MAST2: variants seen among roughly 807,000 people sequenced by gnomAD.
The protein encoded by MAST2 is microtubule-associated serine/threonine-protein kinase 2.
MAST2 carries 70 observed loss-of-function variants against 147.4 expected under a neutral mutation model. That is an observed-to-expected ratio of 0.47 (90% CI 0.39 to 0.58). The LOEUF (loss-of-function observed/expected upper bound fraction) is 0.58, where lower values mean the gene tolerates loss of function less well. MAST2 is among the 20% of genes least tolerant of loss of function. The pLI, the probability that MAST2 is intolerant of heterozygous loss-of-function variation, is 0.00. For synonymous variants in MAST2, 869 were observed against 896.8 expected, an observed-to-expected ratio of 0.97 and a Z score of 0.55; for missense variants, 2,080 against 2,302.3, an observed-to-expected ratio of 0.90 and a Z score of 1.98.
intron 2 of MAST2, among the ~76,000 whole-genome samples, chr1:45,826,695 A>G (rs905655550): frequency 1.3e-5 from 2 of 152,058 alleles, no homozygotes; most frequent in South Asian, 2.1e-4. Context: ...ACTATAGCTT[A>G]TACCTTTCTT....
chr1:46,032,876 A>G (rs1646734170), intron 26 of MAST2, among the ~76,000 whole-genome samples, 158 bp downstream of exon 26: 1 of 151,964 alleles, frequency 6.6e-6, no homozygotes, highest in Non-Finnish European at 1.5e-5. Context: ...ATGCCTGTAA[A>G]TCCCAACACT....
intron 7 of MAST2, among the ~76,000 whole-genome samples, chr1:46,005,539 C>T (rs1340041552): frequency 3.9e-5 from 6 of 152,134 alleles, no homozygotes; most frequent in Non-Finnish European, 5.9e-5. Flanking sequence ...CTGTGATAGC[C>T]GAGCACCCTC....
chr1:46,021,654 G>A (rs1646185101), intron 11 of MAST2, among the ~76,000 whole-genome samples: 1 of 152,228 alleles, frequency 6.6e-6, no homozygotes, highest in Non-Finnish European at 1.5e-5. Flanking sequence ...CCTGGCTGAT[G>A]GAAAGCATGG....
chr1:46,033,861 G>A lies in MAST2; in HGVS notation c.3597G>A (p.Gly1199=), dbSNP rs1646782073. Residue 1199 remains glycine (G), a synonymous_variant, in exon 27 of 29, where the codon GGG becomes GGA. Coordinates refer to ENST00000361297, the MANE Select transcript of MAST2 (RefSeq NM_015112.3). The part of the protein sequence containing the change: ...TPLENTSIKV[G]PARKGSYKAK... ...TGGAGAACACATCCATTAAAGTGGG[G>A]CCAGCTCGGAAGGGCAGCTACAAGG... 1.9e-6 allele frequency: 3 copies of A among 1,614,194 alleles called. No homozygotes were observed. The highest frequency in any genetic ancestry group is 4.5e-5 in the East Asian group (2 of 44,884).
chr1:45,846,741 C>T (rs972266518), intron 3 of MAST2, among the ~76,000 whole-genome samples: 2 of 151,860 alleles, frequency 1.3e-5, no homozygotes, highest in Admixed American at 6.6e-5. Flanking sequence ...AGGAGAATTG[C>T]TTGAACCTGG....
chr1:45,887,647 G>A (rs946121455), intron 4 of MAST2, among the ~76,000 whole-genome samples: 2 of 152,162 alleles, frequency 1.3e-5, no homozygotes, highest in Non-Finnish European at 2.9e-5. Context: ...GATGCAACTT[G>A]ATGCCTGGAT....
At chr1:46,022,135 C>G (rs1571243997) in intron 12 of MAST2, 53 bp downstream of exon 12, 5 of 1,605,802 alleles carry the variant, frequency 3.1e-6, no homozygotes, top group Non-Finnish European at 4.3e-6. Flanking sequence ...CTGGCAAGCT[C>G]TAACAGCAGG....
chr1:45,951,671 C>T lies in MAST2; in HGVS notation c.501-7715C>T, dbSNP rs867845706. 1.3e-3 allele frequency among the ~76,000 whole-genome samples: 205 copies of T among 152,158 alleles called. 3 individuals are homozygous for T. Among genetic ancestry groups the T allele is most frequent in the African/African-American group, 4.6e-3 (193 of 41,510 alleles). On this transcript the variant is annotated intron_variant, in intron 4 of 28. Coordinates refer to ENST00000361297, the MANE Select transcript of MAST2 (RefSeq NM_015112.3). ...TTTGGACAAAAAGCTAATTAGAATT[C>T]GAGGAATAAAATATATGTATTGTGT...
intron 3 of MAST2, among the ~76,000 whole-genome samples, chr1:45,854,938 T>C (rs1645740569): frequency 6.6e-6 from 1 of 152,116 alleles, no homozygotes; most frequent in African/African-American, 2.4e-5. Context: ...GAGAAGCACA[T>C]AGGATGAGGC....
chr1:45,953,144 C>T (rs1557956270), intron 4 of MAST2, among the ~76,000 whole-genome samples: 2 of 151,568 alleles, frequency 1.3e-5, no homozygotes, highest in South Asian at 2.1e-4. Context: ...ACAAGAACAC[C>T]TATTAAACCT....
rs189919314 is a variant in MAST2, at chr1:45,900,945, T to C, written c.500+18550T>C. Among the ~76,000 whole-genome samples the C allele has an allele frequency of 6.8e-4, 103 of 152,314 alleles. 2 individuals are homozygous for C. Among genetic ancestry groups the C allele is most frequent in the South Asian group, 6.0e-3 (29 of 4,824 alleles). ...TTGGCAGATATTTTCTCCCATTCTATGGGTTGTCTTTTTATTCTGTTGATT... is the reference window on the plus strand; with the variant it reads ...TTGGCAGATATTTTCTCCCATTCTACGGGTTGTCTTTTTATTCTGTTGATT... On this transcript the variant is annotated intron_variant, in intron 4 of 28. Transcript: ENST00000361297.
chr1:45,937,579 G>C (rs1174294560), intron 4 of MAST2, among the ~76,000 whole-genome samples: 1 of 151,628 alleles, frequency 6.6e-6, no homozygotes, highest in African/African-American at 2.4e-5. Context: ...GTGAAGCCCC[G>C]TCTCTACTAA....
At position 46,035,588 on chromosome 1, in the gene MAST2, C is replaced by G; in HGVS notation, c.4919C>G (p.Thr1640Ser). 6.2e-7 allele frequency: 1 copy of G among 1,613,812 alleles called. No homozygotes were observed. The highest frequency in any genetic ancestry group is 8.5e-7 in the Non-Finnish European group (1 of 1,180,020). ...LSPSTSGLTP[T>S]SSCSPPSSTS... ...CCCAGCACTTCGGGACTCACCCCCACCAGCAGTTGCTCTCCTCCCAGCTCC... is the reference window on the plus strand; with the variant it reads ...CCCAGCACTTCGGGACTCACCCCCAGCAGCAGTTGCTCTCCTCCCAGCTCC... The change falls in exon 29 of 29, where the codon ACC becomes AGC. Residue 1640 changes from threonine to serine, a missense_variant. Transcript: ENST00000361297. The surrounding 1 kb of genome is among the most constrained non-coding windows in gnomAD (Gnocchi z 5.5).
chr1:45,848,860 A>G (rs1557830625), intron 3 of MAST2, among the ~76,000 whole-genome samples: 1 of 152,190 alleles, frequency 6.6e-6, no homozygotes, highest in African/African-American at 2.4e-5. Flanking sequence ...AGCTCCTTCA[A>G]CTGATAAACA....
intron 4 of MAST2, among the ~76,000 whole-genome samples, chr1:45,901,028 G>A (rs1408460926): frequency 1.3e-5 from 2 of 151,796 alleles, no homozygotes; most frequent in East Asian, 1.9e-4. Flanking sequence ...GTCCATTTTC[G>A]TTTTGGTCAT....
chr1:45,904,973 A>C (rs1397372585), intron 4 of MAST2, among the ~76,000 whole-genome samples: 1 of 151,442 alleles, frequency 6.6e-6, no homozygotes, highest in Middle Eastern at 3.4e-3. Flanking sequence ...ATGCCTGGCT[A>C]ATTTTTTTTA....
intron 9 of MAST2, 113 bp downstream of exon 9, chr1:46,008,484 C>G (rs969012222): frequency 1.4e-6 from 1 of 697,546 alleles, no homozygotes; most frequent in Non-Finnish European, 2.5e-6. Flanking sequence ...CAGAGATAAC[C>G]AAGAAGAAGA....
chr1:45,841,602 G>C (rs1645279411), intron 3 of MAST2, among the ~76,000 whole-genome samples: 1 of 152,146 alleles, frequency 6.6e-6, no homozygotes, highest in Non-Finnish European at 1.5e-5. Flanking sequence ...GTGCGGGCTA[G>C]TCTCTGCTGG....
intron 7 of MAST2, among the ~76,000 whole-genome samples, chr1:46,004,241 G>A (rs945151198): frequency 6.6e-6 from 1 of 151,734 alleles, no homozygotes; most frequent in African/African-American, 2.4e-5. Flanking sequence ...GTGGGCGCCT[G>A]TAGTCCCAGC....
Sources: gnomAD v4.1 joint callset for allele counts (sites outside exome capture counted in the v4.1 genomes callset) on GRCh38, gnomAD v4.1.1 for gene constraint, Gnocchi (gnomAD v3.1) non-coding constraint, MANE v1.5 for transcripts, NCBI Gene and HGNC (gene_info 2026-07-23, HGNC 2026-07-21) for gene names.